Variants in GRIN3A observed in about 807,000 individuals in gnomAD.
The protein encoded by GRIN3A is glutamate receptor ionotropic, NMDA 3A.
In GRIN3A, 47 loss-of-function variants were observed where a neutral mutation model predicts 92.4. The observed-to-expected ratio is 0.51, with a 90% CI of 0.40 to 0.65. The LOEUF (loss-of-function observed/expected upper bound fraction) is 0.65, where lower values mean the gene tolerates loss of function less well. Ranked by LOEUF, GRIN3A falls within the 30% of genes least tolerant of loss-of-function variation. GRIN3A has a pLI of 0.00. For synonymous variants in GRIN3A, 527 were observed against 540.6 expected, an observed-to-expected ratio of 0.97 and a Z score of 0.35; for missense variants, 1,324 against 1,393.1, an observed-to-expected ratio of 0.95 and a Z score of 0.79.
intron 6 of GRIN3A, chr9:101,594,931 C>T (rs1279998402): frequency 6.3e-7 from 1 of 1,595,956 alleles, no homozygotes; most frequent in East Asian, 2.2e-5. Flanking sequence ...TTGTGGACAT[C>T]TGGCAACGGC....
chr9:101,577,164 G>T (rs1390053385), intron 8 of GRIN3A, among the ~76,000 whole-genome samples: 2 of 152,148 alleles, frequency 1.3e-5, no homozygotes, highest in African/African-American at 2.4e-5. Flanking sequence ...TTGCTAGGGA[G>T]TTTGTAGAAA....
intron 1 of GRIN3A, among the ~76,000 whole-genome samples, chr9:101,687,917 GGAA>G (rs1203619459): frequency 6.6e-6 from 1 of 152,086 alleles, no homozygotes; most frequent in Non-Finnish European, 1.5e-5. Flanking sequence ...CAAACTTCAT[GGAA>G]GAAGAGAAAC....
chr9:101,654,804 T>C (rs1490583051), intron 3 of GRIN3A, among the ~76,000 whole-genome samples: 1 of 151,870 alleles, frequency 6.6e-6, no homozygotes, highest in Non-Finnish European at 1.5e-5. Flanking sequence ...CCATTCTTCA[T>C]CGTAACACTC....
chr9:101,683,992 T>C (rs936405223), intron 2 of GRIN3A, among the ~76,000 whole-genome samples: 9 of 152,196 alleles, frequency 5.9e-5, no homozygotes, highest in Non-Finnish European at 2.9e-5. Context: ...CAACAGATAA[T>C]GTAGGATGTA....
At chr9:101,665,051 CAA>C (rs34413850) in intron 3 of GRIN3A, among the ~76,000 whole-genome samples, 1 of 148,912 alleles carries the variant, frequency 6.7e-6, no homozygotes, top group Non-Finnish European at 1.5e-5. Context: ...AGACTAATAC[CAA>C]AAAAAAACAG....
At chr9:101,647,126 C>T (rs146049148) in intron 3 of GRIN3A, among the ~76,000 whole-genome samples, 3 of 151,714 alleles carry the variant, frequency 2.0e-5, no homozygotes, top group South Asian at 2.1e-4. Context: ...ATACTAGCTG[C>T]GAGTCTGTCA....
At chr9:101,723,635 G>C (rs1830042976) in intron 1 of GRIN3A, among the ~76,000 whole-genome samples, 1 of 152,160 alleles carries the variant, frequency 6.6e-6, no homozygotes, top group Admixed American at 6.5e-5. Context: ...TTGACAGGGT[G>C]CTGATGGGTG....
At chr9:101,671,180 G>T in intron 2 of GRIN3A, 73 bp from the exon 3 acceptor site, 1 of 1,030,012 alleles carries the variant, frequency 9.7e-7, no homozygotes, top group Non-Finnish European at 1.5e-6. Context: ...GTTCAGCTTT[G>T]CTTCCTTGTC....
At chr9:101,592,836 A>G (rs1828051456) in intron 6 of GRIN3A, 1 of 151,800 alleles carries the variant, frequency 6.6e-6, no homozygotes, top group Non-Finnish European at 1.5e-5. Context: ...CTTGAAACAG[A>G]TCTTCCATGT....
chr9:101,628,317 T>A lies in GRIN3A; in HGVS notation c.2437A>T (p.Met813Leu). 6.2e-7 allele frequency: 1 copy of A among 1,613,998 alleles called. No individual in the cohort carries two copies. The highest frequency in any genetic ancestry group is 8.5e-7 in the Non-Finnish European group (1 of 1,179,918). ...TTGTACCTTCTCATATATTCATGCA[T>A]CTCTGGGAAACTTTGTCTCACATAA... ...EDYVRQSFPE[M>L]HEYMRRYNVP... Residue 813 changes from methionine to leucine, a missense_variant, in exon 4 of 9, where the codon ATG becomes TTG. By Grantham distance (15) the Met-to-Leu change is conservative (BLOSUM62 2). Coordinates refer to ENST00000361820, the MANE Select transcript of GRIN3A (RefSeq NM_133445.3).
At position 101,577,850 on chromosome 9, in the gene GRIN3A, G is replaced by A; in HGVS notation, c.2932-6C>T. 6.2e-7 allele frequency: 1 copy of A among 1,601,250 alleles called. No homozygotes were observed. ...TTTATTGCTCTGTGTAATCTCTGATGGAGAAAACAGATTCACAGGTAGAAA... is the reference window on the plus strand; with the variant it reads ...TTTATTGCTCTGTGTAATCTCTGATAGAGAAAACAGATTCACAGGTAGAAA... On this transcript the variant is annotated splice_polypyrimidine_tract_variant and splice_region_variant and intron_variant, in intron 7 of 8. Transcript: ENST00000361820.
chr9:101,678,953 C>G (rs1398427860), intron 2 of GRIN3A, among the ~76,000 whole-genome samples: 1 of 152,176 alleles, frequency 6.6e-6, no homozygotes, highest in Non-Finnish European at 1.5e-5. Flanking sequence ...CTTGACTCTT[C>G]TATACAATTA....
intron 2 of GRIN3A, among the ~76,000 whole-genome samples, chr9:101,683,250 A>G (rs1051214475): frequency 6.6e-6 from 1 of 152,224 alleles, no homozygotes; most frequent in African/African-American, 2.4e-5. Context: ...AGATGTTAAC[A>G]GTTCTGTCAG....
intron 6 of GRIN3A, among the ~76,000 whole-genome samples, chr9:101,585,443 T>C (rs866437789): frequency 1.6e-4 from 24 of 152,306 alleles, no homozygotes; most frequent in African/African-American, 4.8e-4. Context: ...CTTCCTACTC[T>C]GCCTCTTTAC....
At chr9:101,659,913 TA>T (rs1258198188) in intron 3 of GRIN3A, among the ~76,000 whole-genome samples, 1 of 151,870 alleles carries the variant, frequency 6.6e-6, no homozygotes, top group Non-Finnish European at 1.5e-5. Context: ...AATAAATAAA[TA>T]AGTTACATGT....
At chr9:101,669,229 A>G (rs751055036) in intron 3 of GRIN3A, among the ~76,000 whole-genome samples, 2 of 151,936 alleles carry the variant, frequency 1.3e-5, no homozygotes, top group Non-Finnish European at 2.9e-5. Context: ...CTCTAGTCCT[A>G]TTGGGCTGGA....
intron 3 of GRIN3A, among the ~76,000 whole-genome samples, chr9:101,668,511 A>T (rs1829271880): frequency 6.6e-6 from 1 of 152,106 alleles, no homozygotes; most frequent in African/African-American, 2.4e-5. Context: ...TGGGGCAAAG[A>T]ATAAACAAAG....
At chr9:101,645,101 A>T (rs1317690020) in intron 3 of GRIN3A, among the ~76,000 whole-genome samples, 1 of 151,772 alleles carries the variant, frequency 6.6e-6, no homozygotes, top group Non-Finnish European at 1.5e-5. Flanking sequence ...ACTGTAACTT[A>T]TTTCTTCTAA....
chr9:101,697,889 A>C (rs1441876396), intron 1 of GRIN3A, among the ~76,000 whole-genome samples: 1 of 152,214 alleles, frequency 6.6e-6, no homozygotes, highest in African/African-American at 2.4e-5. Flanking sequence ...TAATTTTAAT[A>C]TGTATAAATG....
Sources: gnomAD v4.1 joint callset for allele counts (sites outside exome capture counted in the v4.1 genomes callset) on GRCh38, gnomAD v4.1.1 for gene constraint, MANE v1.5 for transcripts, NCBI Gene and HGNC (gene_info 2026-07-23, HGNC 2026-07-21) for gene names.